PCDH10: variants seen among roughly 807,000 people sequenced by gnomAD.
The protein encoded by PCDH10 is protocadherin-10.
Under a neutral mutation model 74.4 loss-of-function variants are expected in PCDH10, and 15 were observed. That is an observed-to-expected ratio of 0.20 (90% CI 0.13 to 0.31). The LOEUF (loss-of-function observed/expected upper bound fraction) is 0.31. Ranked by LOEUF, PCDH10 falls within the 10% of genes least tolerant of loss-of-function variation. The probability of loss-of-function intolerance (pLI) is 1.00; values close to 1 mark genes in which losing one functional copy is unlikely to be tolerated. For synonymous variants in PCDH10, 619 were observed against 589.8 expected, an observed-to-expected ratio of 1.05 and a Z score of -0.72; for missense variants, 1,260 against 1,390.2, an observed-to-expected ratio of 0.91 and a Z score of 1.49.
chr4:133,154,743 C>T (rs975048779), intron 2 of PCDH10, 174 bp from the exon 3 acceptor site: 12 of 581,792 alleles, frequency 2.1e-5, no homozygotes, highest in South Asian at 9.4e-5. Flanking sequence ...GACTGTTAAT[C>T]GATCATTTTT....
chr4:133,152,122 G>A lies in PCDH10; in HGVS notation c.1982G>A (p.Arg661His). ...CCTTATGAGCTGGTGATCGAGGTGC[G>A]CGACCATGGGCAGCCGCCCCTTTCC... is the stretch of plus-strand genomic sequence containing the variant. ...QRPYELVIEVRDHGQPPLSST... is the reference protein window; with the variant it reads ...QRPYELVIEVHDHGQPPLSST... The change falls in exon 1 of 5, where the codon CGC (arginine) becomes CAC (histidine). Residue 661 changes from arginine to histidine, a missense_variant. Arg to His is a conservative substitution (Grantham distance 29, BLOSUM62 0). This residue lies in a region of PCDH10 where 587 missense variants were observed against 616.9 expected (regional missense o/e 0.95). Coordinates refer to ENST00000264360, the MANE Select transcript of PCDH10 (RefSeq NM_032961.3). 6.4e-7 allele frequency: 1 copy of A among 1,567,042 alleles called. No individual in the cohort carries two copies. Among genetic ancestry groups the A allele is most frequent in the Non-Finnish European group, 8.6e-7 (1 of 1,157,132 alleles).
chr4:133,181,403 AT>A (rs1489785438), intron 4 of PCDH10, among the ~76,000 whole-genome samples: 2 of 151,998 alleles, frequency 1.3e-5, no homozygotes, highest in African/African-American at 2.4e-5. Context: ...ACAATGCAAC[AT>A]TTTTTTGACT....
exon 3 of PCDH10, chr4:133,208,503 G>C (rs1361621104): frequency 6.6e-6 from 1 of 151,846 alleles, no homozygotes; most frequent in East Asian, 1.9e-4. Context: ...TTCAGTTCTT[G>C]CTTACTCCTC....
intron 2 of PCDH10, among the ~76,000 whole-genome samples, chr4:133,205,919 G>T (rs1005258172): frequency 1.3e-5 from 2 of 151,478 alleles, no homozygotes; most frequent in East Asian, 3.9e-4. Context: ...TATTTTTTCC[G>T]AATAGTGTCT....
At chr4:133,183,695 G>A (rs1727466793) in intron 4 of PCDH10, among the ~76,000 whole-genome samples, 1 of 152,064 alleles carries the variant, frequency 6.6e-6, no homozygotes, top group Non-Finnish European at 1.5e-5. Flanking sequence ...TTTATTCATT[G>A]CACACACTCT....
At chr4:133,182,626 T>C (rs953735435) in intron 4 of PCDH10, among the ~76,000 whole-genome samples, 1 of 152,088 alleles carries the variant, frequency 6.6e-6, no homozygotes, top group African/African-American at 2.4e-5. Flanking sequence ...TTCAGTGATA[T>C]TATAAACATG....
At position 133,152,072 on chromosome 4, in the gene PCDH10, C is replaced by G. The variant is rs747027926; in HGVS notation, c.1932C>G (p.Val644=). 1.2e-6 allele frequency: 2 copies of G among 1,602,986 alleles called. No individual in the cohort carries two copies. Among genetic ancestry groups the G allele is most frequent in the African/African-American group, 1.3e-5 (1 of 74,706 alleles). ...GGGAGCTGCGCACAGCACGCCGAGT[C>G]CCGGCCAAGCGCGACCCCCAGCGGC... ...RTGELRTARR[V]PAKRDPQRPY... Residue 644 remains valine (V), a synonymous_variant, in exon 1 of 5, where the codon GTC becomes GTG. Coordinates refer to ENST00000264360, the MANE Select transcript of PCDH10 (RefSeq NM_032961.3).
rs571676805 is a variant in PCDH10, at chr4:133,187,962, A to T, written c.3104-2179A>T. ...CTACTTTCTGAATTTATACTAAAAC[A>T]TAGTTTTTCAGTATATTAGTTTTTT... On this transcript the variant is annotated intron_variant, in intron 4 of 4. Transcript: ENST00000264360. 4.7e-4 allele frequency among the ~76,000 whole-genome samples: 72 copies of T among 152,234 alleles called. 1 individual carries two copies. In the South Asian group the frequency reaches 0.013, roughly 28 times the overall value.
intron 4 of PCDH10, among the ~76,000 whole-genome samples, chr4:133,180,109 A>G (rs914509228): frequency 1.3e-5 from 2 of 152,076 alleles, no homozygotes; most frequent in Admixed American, 6.6e-5. Context: ...TTCTTCTGGT[A>G]TATCACTTTG....
chr4:133,151,313 G>T lies in PCDH10; in HGVS notation c.1173G>T (p.Gly391=). The change falls in exon 1 of 5, where the codon GGG becomes GGT. Residue 391 remains glycine, a synonymous_variant. Transcript: ENST00000264360. The part of the protein sequence containing the change: ...SVTDRDSEEN[G]QVQCELLGDV... Reference sequence around the variant, plus strand: ...CTGACCGCGACTCAGAGGAGAATGGGCAGGTGCAGTGCGAGCTACTGGGAG... The same window carrying T: ...CTGACCGCGACTCAGAGGAGAATGGTCAGGTGCAGTGCGAGCTACTGGGAG... 2 of 1,614,156 alleles carry T rather than the reference G, an allele frequency of 1.2e-6. No individual in the cohort carries two copies. Among genetic ancestry groups the T allele is most frequent in the Non-Finnish European group, 1.7e-6 (2 of 1,180,020 alleles).
At chr4:133,156,257 T>C (rs1306102117) in intron 3 of PCDH10, among the ~76,000 whole-genome samples, 1 of 152,208 alleles carries the variant, frequency 6.6e-6, no homozygotes, top group Non-Finnish European at 1.5e-5. Flanking sequence ...TAATGTGTGC[T>C]GTGTCTGTGG....
downstream of PCDH10, chr4:133,194,715 A>G (rs1454484929): frequency 1.3e-5 from 2 of 151,958 alleles, no homozygotes; most frequent in African/African-American, 4.8e-5. Context: ...ATGCTGATTT[A>G]GTAATTTTAG....
downstream of PCDH10, among the ~76,000 whole-genome samples, chr4:133,195,911 C>T (rs1383387500): frequency 3.3e-5 from 5 of 152,166 alleles, no homozygotes; most frequent in South Asian, 2.1e-4. Flanking sequence ...AAAAGCACTG[C>T]ACCATATGAT....
Position 133,150,618 on chromosome 4 carries a change from G to C in PCDH10, c.478G>C (p.Glu160Gln). Residue 160 changes from glutamate to glutamine, a missense_variant, in exon 1 of 5, where the codon GAG becomes CAG. Glu to Gln is a conservative substitution (Grantham distance 29). Around this residue, in one of 11 missense-constraint regions of PCDH10, gnomAD observed 35 missense variants for 29.1 expected, o/e 1.20. Transcript: ENST00000264360. ...GGGCACCAACTCCTTGCGCGACTAC[G>C]AGATCACCCCCAACAGCTACTTCTC... ...DVGTNSLRDY[E>Q]ITPNSYFSLD... 7 of 1,613,362 alleles carry C rather than the reference G, an allele frequency of 4.3e-6. No homozygotes were observed. Among genetic ancestry groups the C allele is most frequent in the Non-Finnish European group, 5.9e-6 (7 of 1,179,994 alleles).
rs964527283 is a variant in PCDH10 at position 133,191,426 on chromosome 4, T to C, written c.*1266T>C. On this transcript the variant is annotated 3_prime_UTR_variant, in exon 5 of 5. Transcript: ENST00000264360. ...ATTTAGAGATAGAATCATGGTACAT[T>C]ATTGTTTCAGTATTCCATGTGAAAA... 6.6e-6 allele frequency: 1 copy of C among 152,262 alleles called. No individual in the cohort carries two copies. The highest frequency in any genetic ancestry group is 1.5e-5 in the Non-Finnish European group (1 of 67,802). The allele number at this position is 152,262 out of a possible 1,614,324, so 9.4% of individuals were successfully genotyped here.
At chr4:133,195,611 C>G (rs1367377963), downstream of PCDH10, among the ~76,000 whole-genome samples, 1 of 151,948 alleles carries the variant, frequency 6.6e-6, no homozygotes, top group Non-Finnish European at 1.5e-5. Flanking sequence ...ATGAATGGTA[C>G]TATCTGCCTT....
At chr4:133,159,631 C>T (rs1417771145) in intron 3 of PCDH10, among the ~76,000 whole-genome samples, 1 of 151,924 alleles carries the variant, frequency 6.6e-6, no homozygotes, top group Non-Finnish European at 1.5e-5. Context: ...ATCCAGACTA[C>T]ACCACCATAA....
intron 2 of PCDH10, among the ~76,000 whole-genome samples, chr4:133,206,417 A>G (rs59819795): frequency 6.6e-6 from 1 of 152,274 alleles, no homozygotes; most frequent in African/African-American, 2.4e-5. Flanking sequence ...TGGGAGGTCT[A>G]ACTGCTTCTT....
chr4:133,175,005 C>T (rs2125867833), intron 4 of PCDH10, among the ~76,000 whole-genome samples: 1 of 149,964 alleles, frequency 6.7e-6, no homozygotes, highest in Non-Finnish European at 1.5e-5. Flanking sequence ...ATGTAAATCA[C>T]TCTCTTTGTA....
Sources: allele counts gnomAD v4.1 joint callset (sites outside exome capture counted in the v4.1 genomes callset), GRCh38; gene constraint gnomAD v4.1.1; regional missense constraint gnomAD v4.1.1; transcripts MANE v1.5; gene names NCBI Gene and HGNC (gene_info 2026-07-23, HGNC 2026-07-21).